The following GRM4 variants were observed in gnomAD, a reference collection of about 807,000 sequenced individuals.
The protein encoded by GRM4 is metabotropic glutamate receptor 4.
In GRM4, 28 loss-of-function variants were observed where a neutral mutation model predicts 81.7. That is an observed-to-expected ratio of 0.34 (90% CI 0.25 to 0.47). The LOEUF (loss-of-function observed/expected upper bound fraction) is 0.47, where lower values mean the gene tolerates loss of function less well. GRM4 is among the 20% of genes least tolerant of loss of function. GRM4 has a pLI of 1.00. For missense variants in GRM4, 948 were observed against 1,290.0 expected (o/e 0.73, Z 4.06); for synonymous variants, 488 against 528.8 (o/e 0.92, Z 1.06).
intron 2 of GRM4, among the ~76,000 whole-genome samples, chr6:34,101,145 C>A (rs1048464496): frequency 3.9e-5 from 6 of 152,176 alleles, no homozygotes; most frequent in African/African-American, 9.7e-5. Context: ...CTGGTTTGGG[C>A]GGAATTGTAT....
chr6:34,072,875 A>C (rs1767031266), intron 3 of GRM4, among the ~76,000 whole-genome samples: 1 of 66,876 alleles, frequency 1.5e-5, no homozygotes, highest in African/African-American at 5.8e-5. Context: ...ACAGATGCAC[A>C]CCCACACATC....
intron 2 of GRM4, among the ~76,000 whole-genome samples, chr6:34,124,272 C>A (rs1429962580): frequency 3.3e-5 from 5 of 152,152 alleles, no homozygotes; most frequent in Non-Finnish European, 5.9e-5. Context: ...CTGCCTCTGC[C>A]TAGAACACTC....
At chr6:34,073,232 T>TACACACC (rs1430692850) in intron 3 of GRM4, among the ~76,000 whole-genome samples, 22 of 774 alleles carry the variant, frequency 0.028, no homozygotes, top group Non-Finnish European at 0.086. Flanking sequence ...CATCACCAAA[T>TACACACC]ACATGCCACA....
rs1183482911 is a variant in GRM4 at position 34,102,191 on chromosome 6, C to T, written c.520-10092G>A. On this transcript the variant is annotated intron_variant, in intron 2 of 10. Coordinates refer to ENST00000538487, the MANE Select transcript of GRM4 (RefSeq NM_000841.4). ...ACAGGAGCAATAATAGGTCTCCCCA[C>T]TTCCTGCAAAATTCACACACCAGCC... 7 of 1,526,378 alleles carry T rather than the reference C, an allele frequency of 4.6e-6. No individual in the cohort carries two copies. In the South Asian group the frequency reaches 4.8e-5, roughly 10 times the overall value. The allele number at this position is 1,526,378 out of a possible 1,614,324, so 94.6% of individuals were successfully genotyped here.
At chr6:34,155,152 G>A (rs1481210923) in exon 1 of GRM4, 10 of 1,534,692 alleles carry the variant, frequency 6.5e-6, no homozygotes, top group Non-Finnish European at 8.7e-6. Flanking sequence ...CTGGGCGGCC[G>A]CCCCCTCGGA....
In GRM4 at chr6:34,047,272, G is replaced by A. The variant is rs979793118; in HGVS notation, c.1169-6524C>T. On this transcript the variant is annotated intron_variant, in intron 6 of 10. Coordinates refer to ENST00000538487, the MANE Select transcript of GRM4 (RefSeq NM_000841.4). This position sits in a 1 kb window ranked among gnomAD's most constrained non-coding sequence, Gnocchi z 4.5. ...CCTGTCTGCAGCCTGGCTGGCACTG[G>A]CTCTAGTGCTGATTCTCCCCACTCC... Among the ~76,000 whole-genome samples the A allele has an allele frequency of 2.6e-5, 4 of 152,064 alleles. No homozygotes were observed. Among genetic ancestry groups the A allele is most frequent in the African/African-American group, 9.7e-5 (4 of 41,398 alleles).
chr6:34,052,081 C>T (rs559006685), intron 6 of GRM4, among the ~76,000 whole-genome samples: 5 of 152,354 alleles, frequency 3.3e-5, no homozygotes, highest in African/African-American at 1.2e-4. Context: ...CCTTCTGAGG[C>T]TTTCTTGGGC....
At chr6:34,141,667 G>C (rs745823480) in intron 1 of GRM4, among the ~76,000 whole-genome samples, 1 of 151,096 alleles carries the variant, frequency 6.6e-6, no homozygotes, top group Non-Finnish European at 1.5e-5. Flanking sequence ...ACAGTCTCTC[G>C]GGCCTGCAGT....
intron 3 of GRM4, among the ~76,000 whole-genome samples, chr6:34,072,607 C>T (rs913888049): frequency 6.6e-6 from 1 of 150,966 alleles, no homozygotes; most frequent in African/African-American, 2.5e-5. Flanking sequence ...ACCACACACA[C>T]ACACACACAC....
At position 34,136,563 on chromosome 6, in the gene GRM4, G is replaced by GGCGCGGACACAC. The variant is rs1554134962; in HGVS notation, c.-363-2705_-363-2704insGTGTGTCCGCGC. On this transcript the variant is annotated intron_variant, in intron 1 of 10. Transcript: ENST00000538487. This position sits in a 1 kb window ranked among gnomAD's most constrained non-coding sequence, Gnocchi z 4.1. ...GCTGAGCAGTGCATGCGCGCGTGCG[G>GGCGCGGACACAC]ACACACACACACACACACACACACA... 7.0e-6 allele frequency among the ~76,000 whole-genome samples: 1 copy of GGCGCGGACACAC among 142,430 alleles called. No individual in the cohort carries two copies. Among genetic ancestry groups the GGCGCGGACACAC allele is most frequent in the Admixed American group, 6.9e-5 (1 of 14,502 alleles). The allele number at this position is 142,430 out of a possible 152,430, so 93.4% of individuals were successfully genotyped here. A position where few individuals can be genotyped will look rare whatever the true frequency, so the allele number is the denominator to read the frequency against.
In GRM4 at chr6:34,035,743, G is replaced by A. The variant is rs753996262; in HGVS notation, c.2367C>T (p.Phe789=). 1.9e-6 allele frequency: 3 copies of A among 1,610,474 alleles called. No individual in the cohort carries two copies. Among genetic ancestry groups the A allele is most frequent in the Non-Finnish European group, 2.5e-6 (3 of 1,176,986 alleles). ...AGACGATGCAAGTGGTGTACATGGT[G>A]AAGCCAATGGGCTTGGCCTCATTGA... The part of the protein sequence containing the change: ...ETFNEAKPIG[F]TMYTTCIVWL... Residue 789 remains phenylalanine, a synonymous_variant, in exon 9 of 11, where the codon TTC becomes TTT. Transcript: ENST00000538487. The surrounding 1 kb of genome is among the most constrained non-coding windows in gnomAD (Gnocchi z 6.6).
At chr6:34,088,776 G>A (rs150183203) in intron 3 of GRM4, among the ~76,000 whole-genome samples, 2 of 152,334 alleles carry the variant, frequency 1.3e-5, no homozygotes, top group African/African-American at 4.8e-5. Context: ...TAGCCACATG[G>A]TTATTACCAG....
upstream of GRM4, among the ~76,000 whole-genome samples, chr6:34,148,415 T>C (rs1006673334): frequency 4.8e-5 from 6 of 126,308 alleles, no homozygotes; most frequent in Non-Finnish European, 6.9e-5. Context: ...CACAGACACA[T>C]AGACTAACAC....
At chr6:34,085,315 C>G (rs1468259191) in intron 3 of GRM4, among the ~76,000 whole-genome samples, 1 of 152,214 alleles carries the variant, frequency 6.6e-6, no homozygotes, top group African/African-American at 2.4e-5. Flanking sequence ...CCAAGGCCAG[C>G]AGTGAGGAAT....
rs140997183 is a variant in GRM4, at chr6:34,155,610, A to G, written c.-220T>C. On this transcript the variant is annotated 5_prime_UTR_variant, in exon 1 of 9. Coordinates refer to the GRM4 transcript ENST00000374177. The stretch of plus-strand genomic sequence containing the variant: ...CCTGGGCTCAAGCGATCCTCCAGCA[A>G]AGCGCTGGGATTACGGACAGGAGCT... The G allele has an allele frequency of 1.6e-3, 732 of 453,404 alleles. 13 individuals are homozygous for G. The East Asian group carries it at 0.02, about 13-fold the overall frequency. The allele number at this position is 453,404 out of a possible 1,614,324, so 28.1% of individuals were successfully genotyped here.
In GRM4 at chr6:34,068,047, G is replaced by C. The variant is rs1396080488; in HGVS notation, c.737-6019C>G. On this transcript the variant is annotated intron_variant, in intron 3 of 10. Coordinates refer to ENST00000538487, the MANE Select transcript of GRM4 (RefSeq NM_000841.4). This position sits in a 1 kb window ranked among gnomAD's most constrained non-coding sequence, Gnocchi z 4.2. ...AGACACTGGGATGCAGCCATGCAGA[G>C]GACAGAAGCCCGGCGCCATGCAGCC... Among the ~76,000 whole-genome samples the C allele has an allele frequency of 6.6e-6, 1 of 152,252 alleles. No individual in the cohort carries two copies. The highest frequency in any genetic ancestry group is 1.5e-5 in the Non-Finnish European group (1 of 68,046).
intron 2 of GRM4, chr6:34,103,785 T>A: frequency 6.9e-7 from 1 of 1,448,608 alleles, no homozygotes; most frequent in Non-Finnish European, 9.0e-7. Flanking sequence ...AGTCACCTCC[T>A]TTGTGAGCCT....
chr6:34,154,023 G>A (rs1057424831), intron 1 of GRM4, among the ~76,000 whole-genome samples: 4 of 152,122 alleles, frequency 2.6e-5, no homozygotes, highest in African/African-American at 9.7e-5. Context: ...GGGACTGTCT[G>A]TGGGTGCGGG....
chr6:34,100,316 C>T (rs1389387795), intron 2 of GRM4, among the ~76,000 whole-genome samples: 1 of 152,224 alleles, frequency 6.6e-6, no homozygotes, highest in Non-Finnish European at 1.5e-5. Flanking sequence ...TTCTCTGGCC[C>T]TCCTCTGCCC....
Sources: gnomAD v4.1 joint callset for allele counts (sites outside exome capture counted in the v4.1 genomes callset) on GRCh38, gnomAD v4.1.1 for gene constraint, Gnocchi (gnomAD v3.1) non-coding constraint, MANE v1.5 for transcripts, NCBI Gene and HGNC (gene_info 2026-07-23, HGNC 2026-07-21) for gene names.